KBTBD11: variants seen among roughly 807,000 people sequenced by gnomAD.
The protein encoded by KBTBD11 is kelch repeat and BTB domain containing 11.
For missense variants in KBTBD11, 1,390 were observed against 1,001.8 expected (o/e 1.39, Z -5.23); for synonymous variants, 747 against 499.0 (o/e 1.50, Z -6.63).
chr8:1,996,705 T>C (rs1291671897), intron 1 of KBTBD11, among the ~76,000 whole-genome samples: 4 of 152,200 alleles, frequency 2.6e-5, no homozygotes, highest in Non-Finnish European at 5.9e-5. Flanking sequence ...ATTATTAAAA[T>C]AGAGCATGAT....
At chr8:1,980,851 C>G (rs1456203015) in intron 1 of KBTBD11, among the ~76,000 whole-genome samples, 2 of 152,204 alleles carry the variant, frequency 1.3e-5, no homozygotes, top group Non-Finnish European at 1.5e-5. Context: ...ACAATCTGCT[C>G]AAGCTGAATG....
At chr8:1,986,398 A>G (rs1426960046) in intron 1 of KBTBD11, among the ~76,000 whole-genome samples, 1 of 152,238 alleles carries the variant, frequency 6.6e-6, no homozygotes, top group Non-Finnish European at 1.5e-5. Context: ...AGTTTATACC[A>G]ACGATGCAAA....
chr8:2,000,847 G>T lies in KBTBD11; in HGVS notation c.-346G>T. ...GCAGAAACAACCGCAGTCAACTGCA[G>T]CTCCAGTCATTGCTGGATGTTGGCT... On this transcript the variant is annotated 5_prime_UTR_variant, in exon 2 of 2. Transcript: ENST00000320248. The T allele has an allele frequency of 3.8e-6, 1 of 264,824 alleles. No individual in the cohort carries two copies. The allele number at this position is 264,824 out of a possible 1,614,324, so 16.4% of individuals were successfully genotyped here.
rs990348792 is a variant in KBTBD11 at position 1,995,187 on chromosome 8, C to T, written c.-908-5098C>T. On this transcript the variant is annotated intron_variant, in intron 1 of 1. Coordinates refer to ENST00000320248, the MANE Select transcript of KBTBD11 (RefSeq NM_014867.3). Reference sequence around the variant, plus strand: ...TTATTCAGTTACTCAAGAAACTCCACCGTGCTGTAGACACCCTCCCCATTT... The same window carrying T: ...TTATTCAGTTACTCAAGAAACTCCATCGTGCTGTAGACACCCTCCCCATTT... Among the ~76,000 whole-genome samples the T allele has an allele frequency of 7.2e-5, 11 of 152,142 alleles. No individual in the cohort carries two copies. In the East Asian group the frequency reaches 1.7e-3, roughly 24 times the overall value.
chr8:1,991,599 C>T (rs1195213750), intron 1 of KBTBD11, among the ~76,000 whole-genome samples: 2 of 151,356 alleles, frequency 1.3e-5, no homozygotes, highest in Non-Finnish European at 2.9e-5. Context: ...GCCCGTGCAT[C>T]GCCAGAGGCT....
At chr8:1,994,856 C>T (rs1307737817) in intron 1 of KBTBD11, among the ~76,000 whole-genome samples, 3 of 151,996 alleles carry the variant, frequency 2.0e-5, no homozygotes, top group African/African-American at 4.8e-5. Flanking sequence ...GTCAGGAATT[C>T]GAGACCAGCC....
Position 2,002,804 on chromosome 8 carries a change from G to T in KBTBD11, c.1612G>T (p.Val538Phe), listed in dbSNP as rs1232935680. Reference sequence around the variant, plus strand: ...CCTGGCCAAGCAGTGGAGCCCGTGCGTCGCGCCCCTGCGCCTCCCCGGCGG... The same window carrying T: ...CCTGGCCAAGCAGTGGAGCCCGTGCTTCGCGCCCCTGCGCCTCCCCGGCGG... The part of the protein sequence containing the change: ...HCLAKQWSPC[V>F]APLRLPGGPT... Residue 538 changes from valine (V) to phenylalanine (F), a missense_variant, in exon 2 of 2, where the codon GTC becomes TTC. Transcript: ENST00000320248. This position sits in a 1 kb window ranked among gnomAD's most constrained non-coding sequence, Gnocchi z 4.1. 1 of 1,447,736 alleles carries T rather than the reference G, an allele frequency of 6.9e-7. No individual in the cohort carries two copies. Among genetic ancestry groups the T allele is most frequent in the Non-Finnish European group, 9.0e-7 (1 of 1,108,748 alleles). 89.7% of individuals were successfully genotyped at this position (1,447,736 alleles called of 1,614,324 possible). A position where few individuals can be genotyped will look rare whatever the true frequency, so the allele number is the denominator to read the frequency against.
intron 1 of KBTBD11, among the ~76,000 whole-genome samples, chr8:1,984,813 C>T (rs771760928): frequency 1.3e-5 from 2 of 152,064 alleles, no homozygotes; most frequent in Non-Finnish European, 2.9e-5. Context: ...AAGTGGCAGC[C>T]GATCATTGGA....
At chr8:1,974,364 C>T (rs995211038) in intron 1 of KBTBD11, 1 of 984,596 alleles carries the variant, frequency 1.0e-6, no homozygotes, top group Non-Finnish European at 1.2e-6. Flanking sequence ...CCGCCCCAGC[C>T]GGCACGGAAG....
intron 1 of KBTBD11, chr8:1,974,823 T>G (rs1210540714): frequency 2.6e-6 from 1 of 388,246 alleles, no homozygotes; most frequent in Non-Finnish European, 3.5e-6. Flanking sequence ...CCCACTCCAG[T>G]GTCTATTCTA....
chr8:1,980,472 G>A (rs1403483769), intron 1 of KBTBD11, among the ~76,000 whole-genome samples: 1 of 152,176 alleles, frequency 6.6e-6, no homozygotes, highest in Non-Finnish European at 1.5e-5. Context: ...TGATCTGCCT[G>A]CCTCGGCCTC....
chr8:2,005,903 G>A lies in KBTBD11; in HGVS notation c.*2839G>A, dbSNP rs989029140. ...AATCCCTTCTGTATTGCCAATCAAG[G>A]TTCATTTGAGATGCAGAGGAATGAG... is the stretch of plus-strand genomic sequence containing the variant. On this transcript the variant is annotated 3_prime_UTR_variant, in exon 2 of 2. Coordinates refer to ENST00000320248, the MANE Select transcript of KBTBD11 (RefSeq NM_014867.3). 1 of 167,074 alleles carries A rather than the reference G, an allele frequency of 6.0e-6. No homozygotes were observed. Among genetic ancestry groups the A allele is most frequent in the African/African-American group, 2.4e-5 (1 of 41,432 alleles). The allele number at this position is 167,074 out of a possible 1,614,324, so 10.3% of individuals were successfully genotyped here. A position where few individuals can be genotyped will look rare whatever the true frequency, so the allele number is the denominator to read the frequency against.
intron 1 of KBTBD11, among the ~76,000 whole-genome samples, chr8:1,978,777 C>T (rs184233345): frequency 4.6e-5 from 7 of 152,296 alleles, no homozygotes; most frequent in Admixed American, 2.6e-4. Context: ...CTGCTCTTTC[C>T]ACTAAGGTCA....
chr8:1,993,959 A>ACACACACACACACACACACACACAC (rs1554527405), intron 1 of KBTBD11, among the ~76,000 whole-genome samples: 1 of 149,964 alleles, frequency 6.7e-6, no homozygotes, highest in African/African-American at 2.5e-5. Context: ...ACACACACAC[A>ACACACACACACACACACACACACAC]AAACCCCATA....
intron 1 of KBTBD11, among the ~76,000 whole-genome samples, chr8:1,980,566 C>T (rs1344964686): frequency 6.6e-6 from 1 of 152,256 alleles, no homozygotes; most frequent in African/African-American, 2.4e-5. Context: ...AAGCTACAGC[C>T]TCTGCCTCCA....
chr8:2,002,788 G>A lies in KBTBD11; in HGVS notation c.1596G>A (p.Lys532=). The change falls in exon 2 of 2, where the codon AAG becomes AAA. Residue 532 remains lysine (K), a synonymous_variant. Coordinates refer to ENST00000320248, the MANE Select transcript of KBTBD11 (RefSeq NM_014867.3). The surrounding 1 kb of genome is among the most constrained non-coding windows in gnomAD (Gnocchi z 4.1). ...TGTCCCGATACCACTGCCTGGCCAA[G>A]CAGTGGAGCCCGTGCGTCGCGCCCC... ...VSVSRYHCLA[K]QWSPCVAPLR... 5 of 1,464,662 alleles carry A rather than the reference G, an allele frequency of 3.4e-6. No individual in the cohort carries two copies. The highest frequency in any genetic ancestry group is 4.5e-6 in the Non-Finnish European group (5 of 1,116,270). The allele number at this position is 1,464,662 out of a possible 1,614,324, so 90.7% of individuals were successfully genotyped here.
Position 2,006,872 on chromosome 8 carries a change from T to A in KBTBD11, c.*3808T>A, listed in dbSNP as rs943779287. On this transcript the variant is annotated 3_prime_UTR_variant, in exon 2 of 2. Transcript: ENST00000320248. Reference sequence around the variant, plus strand: ...CTTTTAAAATCCTGGGCATAAATAGTGCAGAGCCTCGTATGTTTGTCAGTT... The same window carrying A: ...CTTTTAAAATCCTGGGCATAAATAGAGCAGAGCCTCGTATGTTTGTCAGTT... 3 of 167,002 alleles carry A rather than the reference T, an allele frequency of 1.8e-5. No homozygotes were observed. The highest frequency in any genetic ancestry group is 7.2e-5 in the African/African-American group (3 of 41,474). The allele number at this position is 167,002 out of a possible 1,614,324, so 10.3% of individuals were successfully genotyped here.
At chr8:1,989,194 G>A (rs1389427723) in intron 1 of KBTBD11, among the ~76,000 whole-genome samples, 1 of 152,166 alleles carries the variant, frequency 6.6e-6, no homozygotes, top group Non-Finnish European at 1.5e-5. Flanking sequence ...CGGGCCACAG[G>A]GAAGGGCAGA....
rs1817523270 is a variant in KBTBD11 at position 2,004,836 on chromosome 8, A to T, written c.*1772A>T. The T allele has an allele frequency of 6.0e-6, 1 of 167,100 alleles. No individual in the cohort carries two copies. The highest frequency in any genetic ancestry group is 1.5e-5 in the Non-Finnish European group (1 of 68,130). 10.4% of individuals were successfully genotyped at this position (167,100 alleles called of 1,614,324 possible). A position where few individuals can be genotyped will look rare whatever the true frequency, so the allele number is the denominator to read the frequency against. On this transcript the variant is annotated 3_prime_UTR_variant, in exon 2 of 2. Coordinates refer to ENST00000320248, the MANE Select transcript of KBTBD11 (RefSeq NM_014867.3). Reference sequence around the variant, plus strand: ...TAGAAACAGTATTTACAGCAAAAGGAAACAAATAATGTTCATTTTAAGCAA... The same window carrying T: ...TAGAAACAGTATTTACAGCAAAAGGTAACAAATAATGTTCATTTTAAGCAA...
Sources: gnomAD v4.1 joint callset for allele counts (sites outside exome capture counted in the v4.1 genomes callset) on GRCh38, gnomAD v4.1.1 for gene constraint, Gnocchi (gnomAD v3.1) non-coding constraint, MANE v1.5 for transcripts, NCBI Gene and HGNC (gene_info 2026-07-23, HGNC 2026-07-21) for gene names.